The following GULP1 variants were observed in gnomAD, a reference collection of about 807,000 sequenced individuals.
The protein encoded by GULP1 is PTB domain-containing engulfment adapter protein 1.
A neutral mutation model predicts 40.9 loss-of-function variants in GULP1; 19 were observed. The observed-to-expected ratio is 0.46, with a 90% confidence interval of 0.32 to 0.68. GULP1 has a LOEUF of 0.68. Among genes scored for constraint, GULP1 ranks in the 30% least tolerant of loss-of-function variants. The pLI is 0.03. For synonymous variants in GULP1, 119 were observed against 117.6 expected (o/e 1.01, Z -0.08); for missense variants, 312 against 362.2 (o/e 0.86, Z 1.12).
At chr2:188,342,818 T>G (rs1445116879) in intron 1 of GULP1, among the ~76,000 whole-genome samples, 1 of 152,226 alleles carries the variant, frequency 6.6e-6, no homozygotes, top group Non-Finnish European at 1.5e-5. Flanking sequence ...CTTTCTGTTA[T>G]TCCCAGGATA....
At chr2:188,334,620 C>T (rs1019766338) in intron 1 of GULP1, among the ~76,000 whole-genome samples, 2 of 152,180 alleles carry the variant, frequency 1.3e-5, no homozygotes, top group Admixed American at 6.5e-5. Flanking sequence ...CATGGTCCCT[C>T]GCTCAGCAGC....
At chr2:188,341,928 G>A (rs2043023134) in intron 1 of GULP1, among the ~76,000 whole-genome samples, 1 of 152,092 alleles carries the variant, frequency 6.6e-6, no homozygotes, top group African/African-American at 2.4e-5. Context: ...GCTCTTTACA[G>A]CAATTAATTC....
At chr2:188,531,686 G>A (rs1687580352) in intron 6 of GULP1, among the ~76,000 whole-genome samples, 1 of 152,168 alleles carries the variant, frequency 6.6e-6, no homozygotes, top group Non-Finnish European at 1.5e-5. Context: ...TATGTAGTTT[G>A]CTGGGAAACA....
At chr2:188,359,258 G>A (rs72909524) in intron 1 of GULP1, among the ~76,000 whole-genome samples, 1,739 of 152,114 alleles carry the variant, frequency 0.011, 14 homozygotes, top group Non-Finnish European at 0.02. Context: ...ATACTTATAT[G>A]CCATGCATTG....
chr2:188,527,181 G>A (rs1686382541), intron 5 of GULP1, among the ~76,000 whole-genome samples: 1 of 151,654 alleles, frequency 6.6e-6, no homozygotes, highest in African/African-American at 2.4e-5. Context: ...TTTAATAATA[G>A]TGGTTGTTTT....
chr2:188,388,778 A>T (rs1347550252), intron 2 of GULP1, among the ~76,000 whole-genome samples: 1 of 152,198 alleles, frequency 6.6e-6, no homozygotes, highest in Non-Finnish European at 1.5e-5. Flanking sequence ...AATGTAGCAG[A>T]TGTACCTGTA....
At chr2:188,431,294 GA>G (rs796731926) in intron 2 of GULP1, among the ~76,000 whole-genome samples, 40 of 150,312 alleles carry the variant, frequency 2.7e-4, no homozygotes, top group African/African-American at 7.8e-4. Flanking sequence ...AGAACTGGAG[GA>G]AAAAAAAAGT....
At chr2:188,525,422 TA>T (rs367968560) in intron 5 of GULP1, among the ~76,000 whole-genome samples, 6 of 151,964 alleles carry the variant, frequency 3.9e-5, no homozygotes, top group Admixed American at 3.3e-4. Flanking sequence ...CAACAACAAA[TA>T]AAACAAATTT....
At chr2:188,439,945 C>T (rs1387596143) in intron 2 of GULP1, among the ~76,000 whole-genome samples, 1 of 152,100 alleles carries the variant, frequency 6.6e-6, no homozygotes, top group Non-Finnish European at 1.5e-5. Context: ...AAACCTTATT[C>T]GTTTATGCAT....
intron 1 of GULP1, among the ~76,000 whole-genome samples, chr2:188,365,296 A>G (rs2046639974): frequency 6.6e-6 from 1 of 152,156 alleles, no homozygotes; most frequent in Non-Finnish European, 1.5e-5. Context: ...TTGACTGGGA[A>G]GGTTAATCTT....
intron 2 of GULP1, among the ~76,000 whole-genome samples, chr2:188,465,957 GTGTGTGTGTGTATA>G (rs1251797485): frequency 2.0e-5 from 3 of 150,464 alleles, no homozygotes; most frequent in African/African-American, 5.0e-5. Context: ...TTATGAAGGT[GTGTGTGTGTGTATA>G]TGTGTGTGTG....
Position 188,295,437 on chromosome 2 carries a change from A to G in GULP1, c.-172+3271A>G, listed in dbSNP as rs533648113. ...TTTACTTCTTAAACATTTTTCCAAC[A>G]TATCATTTATTGCCTATGTTTCTGT... On this transcript the variant is annotated intron_variant, in intron 1 of 11. Coordinates refer to ENST00000409830, the MANE Select transcript of GULP1 (RefSeq NM_016315.4). 1.7e-4 allele frequency among the ~76,000 whole-genome samples: 26 copies of G among 152,266 alleles called. No individual in the cohort carries two copies. The South Asian group carries it at 2.5e-3, about 15-fold the overall frequency.
At chr2:188,434,794 AG>A (rs1238377071) in intron 2 of GULP1, among the ~76,000 whole-genome samples, 1 of 151,532 alleles carries the variant, frequency 6.6e-6, no homozygotes, top group African/African-American at 2.4e-5. Context: ...AATTGCTTTT[AG>A]CTCATTTTGA....
At chr2:188,303,796 A>T (rs372365728) in intron 1 of GULP1, among the ~76,000 whole-genome samples, 1 of 152,224 alleles carries the variant, frequency 6.6e-6, no homozygotes, top group Non-Finnish European at 1.5e-5. Context: ...ATAAGAATGC[A>T]ATAAACATGC....
At chr2:188,402,156 G>A (rs2052387328) in intron 2 of GULP1, among the ~76,000 whole-genome samples, 1 of 152,050 alleles carries the variant, frequency 6.6e-6, no homozygotes, top group Non-Finnish European at 1.5e-5. Flanking sequence ...TATTTTGATG[G>A]TAACAGAGGA....
At chr2:188,342,576 T>A (rs1336276604) in intron 1 of GULP1, among the ~76,000 whole-genome samples, 1 of 152,200 alleles carries the variant, frequency 6.6e-6, no homozygotes, top group Non-Finnish European at 1.5e-5. Context: ...CCACTATTTT[T>A]AAACCATACT....
intron 9 of GULP1, among the ~76,000 whole-genome samples, chr2:188,573,676 G>GTCTAATCCTCA (rs1388540221): frequency 6.6e-6 from 1 of 152,036 alleles, no homozygotes; most frequent in East Asian, 1.9e-4. Flanking sequence ...AGAGGACTGA[G>GTCTAATCCTCA]GATTAGAGTG....
At chr2:188,575,275 A>G (rs946957640) in intron 9 of GULP1, among the ~76,000 whole-genome samples, 8 of 152,142 alleles carry the variant, frequency 5.3e-5, no homozygotes, top group Admixed American at 1.3e-4. Context: ...TATTGTATAC[A>G]TTTGATATAG....
chr2:188,483,435 A>G lies in GULP1; in HGVS notation c.33A>G (p.Lys11=). MNRAFSRKKD[K]TWMHTPEALS... ...TCTGTGTATTTTTTATTGCAGACAA[A>G]ACATGGATGCATACACCTGAAGCTT... The change falls in exon 4 of 12, where the codon AAA becomes AAG. Residue 11 remains lysine (K), a synonymous_variant. Transcript: ENST00000409830. 1.3e-6 allele frequency: 2 copies of G among 1,517,692 alleles called. No homozygotes were observed. The highest frequency in any genetic ancestry group is 1.2e-5 in the South Asian group (1 of 84,422). 94.0% of individuals were successfully genotyped at this position (1,517,692 alleles called of 1,614,324 possible). A position where few individuals can be genotyped will look rare whatever the true frequency, so the allele number is the denominator to read the frequency against.
Sources: allele counts gnomAD v4.1 joint callset (sites outside exome capture counted in the v4.1 genomes callset), GRCh38; gene constraint gnomAD v4.1.1; transcripts MANE v1.5; gene names NCBI Gene and HGNC (gene_info 2026-07-23, HGNC 2026-07-21).